CENPC: variants seen among roughly 807,000 people sequenced by gnomAD.
CENPC encodes the protein centromere protein C, also known as CENP-C 1.
CENPC carries 63 observed loss-of-function variants against 112.1 expected under a neutral mutation model. The observed-to-expected ratio is 0.56, with a 90% CI of 0.46 to 0.69. The LOEUF (loss-of-function observed/expected upper bound fraction) is 0.69, where lower values mean the gene tolerates loss of function less well. Ranked by LOEUF, CENPC falls within the 30% of genes least tolerant of loss-of-function variation. The pLI is 0.00. For missense variants in CENPC, 1,000 were observed against 1,103.8 expected (o/e 0.91, Z 1.33); for synonymous variants, 333 against 367.6 (o/e 0.91, Z 1.08).
intron 17 of CENPC, among the ~76,000 whole-genome samples, chr4:67,475,205 A>G (rs1724770617): frequency 6.6e-6 from 1 of 152,238 alleles, no homozygotes. Flanking sequence ...CCTTAAAAAT[A>G]GAGTACTTTC....
chr4:67,475,004 A>G (rs777703718), intron 17 of CENPC, 26 bp from the exon 18 acceptor site: 2 of 1,241,830 alleles, frequency 1.6e-6, no homozygotes, highest in South Asian at 2.8e-5. Flanking sequence ...TAAAAATCTC[A>G]TTCAAAACTG....
chr4:67,485,927 A>G (rs1424184590), intron 17 of CENPC, among the ~76,000 whole-genome samples: 1 of 152,158 alleles, frequency 6.6e-6, no homozygotes, highest in African/African-American at 2.4e-5. Context: ...AGGCATTTAG[A>G]TTACAGAATT....
rs1014689529 is a variant in CENPC at position 67,504,073 on chromosome 4, C to T, written c.2131+1132G>A. 5.3e-5 allele frequency among the ~76,000 whole-genome samples: 7 copies of T among 133,010 alleles called. No individual in the cohort carries two copies. The South Asian group carries it at 1.7e-3, about 32-fold the overall frequency. 87.3% of individuals were successfully genotyped at this position (133,010 alleles called of 152,430 possible). A position where few individuals can be genotyped will look rare whatever the true frequency, so the allele number is the denominator to read the frequency against. ...CTCAAGATAATATAGTGATGCTTCCCGATCAGTGGTGAATGGGGCAAAAAA... is the reference window on the plus strand; with the variant it reads ...CTCAAGATAATATAGTGATGCTTCCTGATCAGTGGTGAATGGGGCAAAAAA... On this transcript the variant is annotated intron_variant, in intron 12 of 18. Transcript: ENST00000273853.
chr4:67,537,392 A>G (rs1280851392), intron 4 of CENPC, among the ~76,000 whole-genome samples: 3 of 152,226 alleles, frequency 2.0e-5, no homozygotes, highest in Admixed American at 2.0e-4. Context: ...CACAGTGCTC[A>G]TGCCTGTAAT....
intron 7 of CENPC, among the ~76,000 whole-genome samples, chr4:67,515,015 A>T (rs1264302179): frequency 2.7e-5 from 4 of 149,398 alleles, no homozygotes; most frequent in Non-Finnish European, 5.9e-5. Context: ...TCACAGTCCA[A>T]AATGAATGCC....
intron 18 of CENPC, among the ~76,000 whole-genome samples, chr4:67,473,595 C>G (rs111560734): frequency 0.053 from 8,122 of 151,974 alleles, 306 homozygotes; most frequent in Middle Eastern, 0.088. Context: ...CTCTGTCACC[C>G]AGGCTGGAGT....
intron 17 of CENPC, among the ~76,000 whole-genome samples, chr4:67,489,585 G>A (rs902123248): frequency 6.6e-6 from 1 of 152,042 alleles, no homozygotes; most frequent in African/African-American, 2.4e-5. Context: ...TAACTGGGAT[G>A]TAAGTGATTT....
rs559805536 is a variant in CENPC, at chr4:67,502,792, C to T, written c.2131+2413G>A. On this transcript the variant is annotated intron_variant, in intron 12 of 18. Transcript: ENST00000273853. ...TTGCCATTCTTCCAGGAGCTCGGGC[C>T]AAAAACCTTCAAGTTCTCTCTAACG... is the stretch of plus-strand genomic sequence containing the variant. Among the ~76,000 whole-genome samples the T allele has an allele frequency of 3.2e-4, 48 of 152,234 alleles. 1 individual carries two copies. The highest frequency in any genetic ancestry group is 1.1e-3 in the African/African-American group (44 of 41,548).
rs1020655362 is a variant in CENPC, at chr4:67,493,962, G to C, written c.2212C>G (p.Arg738Gly). ...TTCAAACGTGTTCTCTTGGTCCTGC[G>C]AACATTTGGTGTGTTGGAGGGCAAT... ...LVLPSNTPNV[R>G]RTKRTRLKPL... The change falls in exon 14 of 19, where the codon CGC becomes GGC. Residue 738 changes from arginine to glycine, a missense_variant. Physicochemically the swap from Arg to Gly is moderately radical, Grantham distance 125. Coordinates refer to ENST00000273853, the MANE Select transcript of CENPC (RefSeq NM_001812.4). 1.2e-6 allele frequency: 2 copies of C among 1,611,446 alleles called. No homozygotes were observed. The highest frequency in any genetic ancestry group is 1.7e-6 in the Non-Finnish European group (2 of 1,178,844).
rs768395203 is a variant in CENPC at position 67,494,007 on chromosome 4, C to G, written c.2186-19G>C. 6.5e-7 allele frequency: 1 copy of G among 1,539,442 alleles called. No homozygotes were observed. The highest frequency in any genetic ancestry group is 8.9e-7 in the Non-Finnish European group (1 of 1,121,118). ...GGCAATACTATAAAAAGATGTCAGA[C>G]AAAAGTGTATACATAGTTTTTAGTT... On this transcript the variant is annotated intron_variant, in intron 13 of 18. Coordinates refer to ENST00000273853, the MANE Select transcript of CENPC (RefSeq NM_001812.4).
chr4:67,527,780 C>T (rs1332262742), intron 5 of CENPC, among the ~76,000 whole-genome samples: 4 of 151,742 alleles, frequency 2.6e-5, no homozygotes, highest in African/African-American at 7.3e-5. Context: ...GAACTATAGG[C>T]CTACGCCACA....
At chr4:67,530,745 C>T in intron 5 of CENPC, 70 bp downstream of exon 5, 1 of 688,500 alleles carries the variant, frequency 1.5e-6, no homozygotes, top group Non-Finnish European at 2.4e-6. Flanking sequence ...CAAAGCAACA[C>T]ATGCACCATT....
chr4:67,509,577 C>T lies in CENPC; in HGVS notation c.1613-472G>A, dbSNP rs948173822. Among the ~76,000 whole-genome samples the T allele has an allele frequency of 1.3e-5, 2 of 152,138 alleles. 1 individual carries two copies. Among genetic ancestry groups the T allele is most frequent in the South Asian group, 4.1e-4 (2 of 4,830 alleles). ...TTATTTCCTATCTTAATGAAAAATA[C>T]AACTACCTATTCTATCCAGATATCT... On this transcript the variant is annotated intron_variant, in intron 9 of 18. Coordinates refer to ENST00000273853, the MANE Select transcript of CENPC (RefSeq NM_001812.4).
intron 5 of CENPC, among the ~76,000 whole-genome samples, chr4:67,521,775 T>C (rs1473922356): frequency 6.6e-6 from 1 of 152,158 alleles, no homozygotes; most frequent in Admixed American, 6.5e-5. Flanking sequence ...ACACATACAA[T>C]GAAATATTAC....
In CENPC at chr4:67,470,699, G is replaced by A. The variant is rs752600520; in HGVS notation, c.*1906C>T. 4 of 152,150 alleles carry A rather than the reference G, an allele frequency of 2.6e-5. No individual in the cohort carries two copies. The highest frequency in any genetic ancestry group is 4.4e-5 in the Non-Finnish European group (3 of 68,044). 9.4% of individuals were successfully genotyped at this position (152,150 alleles called of 1,614,324 possible). The stretch of plus-strand genomic sequence containing the variant: ...GGTCTCACCCACCCCTAGGTTGATT[G>A]GTAAAAACTACAGTTTTGTCTGGCT... On this transcript the variant is annotated 3_prime_UTR_variant, in exon 19 of 19. Coordinates refer to ENST00000273853, the MANE Select transcript of CENPC (RefSeq NM_001812.4).
chr4:67,526,694 A>G (rs919540579), intron 5 of CENPC, among the ~76,000 whole-genome samples: 7 of 152,142 alleles, frequency 4.6e-5, no homozygotes, highest in Admixed American at 3.3e-4. Context: ...AAAACCATAC[A>G]AACACAGCAT....
chr4:67,483,548 TAA>T (rs71219045), intron 17 of CENPC, among the ~76,000 whole-genome samples: 1 of 144,166 alleles, frequency 6.9e-6, no homozygotes, highest in Admixed American at 6.9e-5. Context: ...ACCACTTATA[TAA>T]AAAAAAAAAA....
chr4:67,491,527 A>C (rs1874635), intron 16 of CENPC, among the ~76,000 whole-genome samples: 23,357 of 126,306 alleles, frequency 0.18, 2,778 homozygotes, highest in Middle Eastern at 0.31. Flanking sequence ...AGAGAGAGAG[A>C]GCCTGGTTGT....
chr4:67,517,114 C>A lies in CENPC; in HGVS notation c.830+1042G>T, dbSNP rs539368105. Among the ~76,000 whole-genome samples, 12 of 151,948 alleles carry A rather than the reference C, an allele frequency of 7.9e-5. 1 individual carries two copies. The highest frequency in any genetic ancestry group is 2.9e-4 in the African/African-American group (12 of 41,282). On this transcript the variant is annotated intron_variant, in intron 7 of 18. Transcript: ENST00000273853. ...ATTAATCAACTACAGGAAGCAGAGACTGAACAAAAGGGGAATTTCATTCAT... is the reference window on the plus strand; with the variant it reads ...ATTAATCAACTACAGGAAGCAGAGAATGAACAAAAGGGGAATTTCATTCAT...
Sources: allele counts gnomAD v4.1 joint callset (sites outside exome capture counted in the v4.1 genomes callset), GRCh38; gene constraint gnomAD v4.1.1; transcripts MANE v1.5; gene names NCBI Gene and HGNC (gene_info 2026-07-23, HGNC 2026-07-21).